The following URGCP variants were observed in gnomAD, a reference collection of about 807,000 sequenced individuals.
The protein encoded by URGCP is upregulator of cell proliferation.
A neutral mutation model predicts 24.6 loss-of-function variants in URGCP; 13 were observed. That is an observed-to-expected ratio of 0.53 (90% CI 0.34 to 0.84). The LOEUF (loss-of-function observed/expected upper bound fraction) is 0.84. URGCP is among the 40% of genes least tolerant of loss of function. URGCP has a pLI of 0.01. For missense variants in URGCP, 899 were observed against 1,194.3 expected (o/e 0.75, Z 3.64); for synonymous variants, 444 against 487.2 (o/e 0.91, Z 1.17).
chr7:43,876,653 G>T lies in URGCP; in HGVS notation c.*14C>A. 1 of 1,609,980 alleles carries T rather than the reference G, an allele frequency of 6.2e-7. No homozygotes were observed. ...CAGCAGCCTCCTACACCTGAACTGG[G>T]TTTCTCTGCACACTCACAGCCGTCT... is the stretch of plus-strand genomic sequence containing the variant. On this transcript the variant is annotated 3_prime_UTR_variant, in exon 6 of 6. Coordinates refer to ENST00000453200, the MANE Select transcript of URGCP (RefSeq NM_001077663.3).
Position 43,877,519 on chromosome 7 carries a change from G to A in URGCP, c.1944C>T (p.Gly648=). The change falls in exon 6 of 6, where the codon GGC becomes GGT. Residue 648 remains glycine (G), a synonymous_variant. Coordinates refer to ENST00000453200, the MANE Select transcript of URGCP (RefSeq NM_001077663.3). ...CTGTCAGCAGCAGCTCCGAGGCCAA[G>A]CCTGGGAAGTGGGCAAAACGCCTCT... is the stretch of plus-strand genomic sequence containing the variant. ...AGQRRFAHFP[G]LASELLLTGL... 1 of 1,613,258 alleles carries A rather than the reference G, an allele frequency of 6.2e-7. No individual in the cohort carries two copies. Among genetic ancestry groups the A allele is most frequent in the Non-Finnish European group, 8.5e-7 (1 of 1,180,030 alleles).
chr7:43,892,219 ATT>A (rs34553486), intron 1 of URGCP, among the ~76,000 whole-genome samples: 46 of 125,360 alleles, frequency 3.7e-4, no homozygotes, highest in Admixed American at 6.6e-4. Context: ...CGCCCAGCCA[ATT>A]TTTTTTTTTT....
intron 1 of URGCP, chr7:43,888,605 G>T (rs1194227503): frequency 1.3e-5 from 2 of 152,176 alleles, no homozygotes; most frequent in African/African-American, 4.8e-5. Flanking sequence ...ACTAACTGCT[G>T]AAGAAAGGAC....
chr7:43,921,263 T>G (rs1020579649), intron 1 of URGCP, among the ~76,000 whole-genome samples: 6 of 152,110 alleles, frequency 3.9e-5, no homozygotes, highest in African/African-American at 1.4e-4. Flanking sequence ...GAGGCAGAGC[T>G]TGCAGTGAGC....
At chr7:43,910,970 G>C (rs1489232018), upstream of URGCP, 2 of 152,032 alleles carry the variant, frequency 1.3e-5, no homozygotes, top group Admixed American at 1.3e-4. Context: ...AAAATATGAA[G>C]CTAACATTGA....
chr7:43,923,477 A>G (rs1158821879), intron 1 of URGCP, among the ~76,000 whole-genome samples: 1 of 152,028 alleles, frequency 6.6e-6, no homozygotes, highest in Non-Finnish European at 1.5e-5. Context: ...CTGTAGAATC[A>G]GGGGTTCGCT....
At chr7:43,908,921 C>T (rs1248897273), upstream of URGCP, among the ~76,000 whole-genome samples, 1 of 152,182 alleles carries the variant, frequency 6.6e-6, no homozygotes, top group East Asian at 1.9e-4. Context: ...TTTCCCGTGG[C>T]CCGTACACTT....
At chr7:43,916,721 C>A (rs867694807) in intron 1 of URGCP, among the ~76,000 whole-genome samples, 3 of 133,826 alleles carry the variant, frequency 2.2e-5, no homozygotes, top group Non-Finnish European at 3.3e-5. Context: ...ACCCCCCCCC[C>A]CCACATAACA....
chr7:43,887,913 C>A, intron 1 of URGCP, 97 bp from the exon 2 acceptor site: 1 of 765,388 alleles, frequency 1.3e-6, no homozygotes, highest in Non-Finnish European at 2.1e-6. Context: ...AGTGCAATAA[C>A]GGAATTATGG....
At chr7:43,918,633 T>TG in intron 1 of URGCP, 2 of 582,912 alleles carry the variant, frequency 3.4e-6, no homozygotes, top group Non-Finnish European at 3.1e-6. Context: ...AGTGGATATC[T>TG]GGGGGGCTGG....
rs776774176 is a variant in URGCP at position 43,878,103 on chromosome 7, C to T, written c.1360G>A (p.Ala454Thr). 14 of 1,614,134 alleles carry T rather than the reference C, an allele frequency of 8.7e-6. No homozygotes were observed. The highest frequency in any genetic ancestry group is 2.7e-5 in the African/African-American group (2 of 74,940). The change falls in exon 6 of 6, where the codon GCA becomes ACA. Residue 454 changes from alanine to threonine, a missense_variant. By Grantham distance (58) the Ala-to-Thr change is moderately conservative (BLOSUM62 0). Coordinates refer to ENST00000453200, the MANE Select transcript of URGCP (RefSeq NM_001077663.3). The surrounding 1 kb of genome is among the most constrained non-coding windows in gnomAD (Gnocchi z 5.6). ...RRVSVEDMAH[A>T]ARKLGLKVDE... is the part of the protein sequence containing the mutation. ...ACCTTTAGGCCCAGTTTGCGGGCTG[C>T]GTGCGCCATGTCCTCCACAGATACC...
intron 1 of URGCP, among the ~76,000 whole-genome samples, chr7:43,901,784 C>T (rs998391403): frequency 6.6e-6 from 1 of 152,218 alleles, no homozygotes; most frequent in African/African-American, 2.4e-5. Context: ...GAAAGCTGAG[C>T]CTTTCCCTTC....
intron 1 of URGCP, among the ~76,000 whole-genome samples, chr7:43,895,248 T>G (rs2095876584): frequency 6.6e-6 from 1 of 151,632 alleles, no homozygotes; most frequent in African/African-American, 2.4e-5. Context: ...AGGCAAAGGA[T>G]CAAACAGGCA....
intron 1 of URGCP, among the ~76,000 whole-genome samples, chr7:43,890,496 G>A (rs557525521): frequency 3.9e-5 from 6 of 152,252 alleles, no homozygotes; most frequent in Middle Eastern, 3.4e-3. Context: ...GATTACAGAC[G>A]TGAACCACCG....
At chr7:43,919,469 C>T (rs767649422) in intron 1 of URGCP, 6 of 1,027,316 alleles carry the variant, frequency 5.8e-6, no homozygotes, top group East Asian at 4.7e-5. Context: ...TAGGCCTCAT[C>T]GCCTCACTCA....
intron 1 of URGCP, chr7:43,888,501 C>CAAAAAAAAA (rs534605504): frequency 1.3e-5 from 1 of 79,038 alleles, no homozygotes; most frequent in Non-Finnish European, 2.7e-5. Context: ...AACTCCATCT[C>CAAAAAAAAA]AAAAAAAAAA....
intron 3 of URGCP, chr7:43,882,177 G>T: frequency 1.8e-6 from 1 of 540,772 alleles, no homozygotes; most frequent in Non-Finnish European, 2.9e-6. Context: ...GGTGGCTCAT[G>T]CCTGTAATCT....
At chr7:43,919,579 T>A in intron 1 of URGCP, 1 of 1,419,582 alleles carries the variant, frequency 7.0e-7, no homozygotes, top group South Asian at 1.1e-5. Flanking sequence ...CTGGATGTCA[T>A]GAGGTGGCTG....
intron 1 of URGCP, among the ~76,000 whole-genome samples, chr7:43,899,821 G>GA (rs1230860782): frequency 1.3e-5 from 2 of 152,162 alleles, no homozygotes; most frequent in African/African-American, 2.4e-5. Flanking sequence ...TGCCCTAAAA[G>GA]AAAGTATTAG....
Sources: gnomAD v4.1 joint callset for allele counts (sites outside exome capture counted in the v4.1 genomes callset) on GRCh38, gnomAD v4.1.1 for gene constraint, Gnocchi (gnomAD v3.1) non-coding constraint, MANE v1.5 for transcripts, NCBI Gene and HGNC (gene_info 2026-07-23, HGNC 2026-07-21) for gene names.